Variants in ANK2 observed in about 807,000 individuals in gnomAD.
ANK2 encodes ankyrin 2.
In ANK2, 83 loss-of-function variants were observed where a neutral mutation model predicts 360.5. The observed-to-expected ratio is 0.23, with a 90% CI of 0.19 to 0.28. The LOEUF (loss-of-function observed/expected upper bound fraction) is 0.28. Among genes scored for constraint, ANK2 ranks in the 10% least tolerant of loss-of-function variants. The probability of loss-of-function intolerance (pLI) is 1.00; values close to 1 mark genes in which losing one functional copy is unlikely to be tolerated. For missense variants in ANK2, 4,201 were observed against 4,795.7 expected (o/e 0.88, Z 3.66); for synonymous variants, 1,740 against 1,759.5 (o/e 0.99, Z 0.28).
intron 2 of ANK2, among the ~76,000 whole-genome samples, chr4:112,910,294 C>T (rs1340636559): frequency 1.3e-5 from 2 of 152,142 alleles, no homozygotes; most frequent in East Asian, 1.9e-4. Context: ...AAAATGCTTA[C>T]GGCTTTTAGA....
At chr4:112,981,626 G>T (rs941803536) in intron 2 of ANK2, among the ~76,000 whole-genome samples, 2 of 152,184 alleles carry the variant, frequency 1.3e-5, no homozygotes, top group South Asian at 2.1e-4. Context: ...GGAGAAACTG[G>T]CTTGACAAGA....
intron 2 of ANK2, among the ~76,000 whole-genome samples, chr4:113,021,530 C>CACACACA (rs1554056651): frequency 8.4e-4 from 11 of 13,074 alleles, no homozygotes; most frequent in East Asian, 1.9e-3. Flanking sequence ...ACACACACAC[C>CACACACA]CACACACAAA....
chr4:113,356,432 C>T lies in ANK2; in HGVS notation c.7814C>T (p.Ala2605Val). The T allele has an allele frequency of 6.2e-7, 1 of 1,614,084 alleles. No homozygotes were observed. The change falls in exon 38 of 46, where the codon GCA (alanine) becomes GTA (valine). Residue 2605 changes from alanine (A) to valine (V), a missense_variant. This residue lies in a region of ANK2 where 2,642 missense variants were observed against 2,714.5 expected (regional missense o/e 0.97). Transcript: ENST00000357077. ...IKMFDELEQE[A>V]KQKRDYKKEP... ...ATGTTTGATGAACTTGAACAAGAAG[C>T]AAAGCAGAAAAGGGACTACAAAAAA...
chr4:112,921,104 T>C (rs1226860530), intron 2 of ANK2, among the ~76,000 whole-genome samples: 3 of 149,870 alleles, frequency 2.0e-5, no homozygotes, highest in Non-Finnish European at 4.4e-5. Context: ...CAGGCTGGAG[T>C]GCAGTGGTGC....
chr4:113,028,830 C>A (rs1380757048), intron 2 of ANK2, among the ~76,000 whole-genome samples: 1 of 152,058 alleles, frequency 6.6e-6, no homozygotes, highest in Non-Finnish European at 1.5e-5. Context: ...TCACTAACTC[C>A]CGGGTTGCAG....
At chr4:112,982,009 A>T (rs1339408049) in intron 2 of ANK2, among the ~76,000 whole-genome samples, 1 of 152,190 alleles carries the variant, frequency 6.6e-6, no homozygotes, top group Non-Finnish European at 1.5e-5. Flanking sequence ...TGATTTTGAC[A>T]CAGAGAACAG....
intron 1 of ANK2, among the ~76,000 whole-genome samples, chr4:113,111,916 A>G (rs2154366130): frequency 6.6e-6 from 1 of 152,300 alleles, no homozygotes; most frequent in South Asian, 2.1e-4. Context: ...AAACACTTCT[A>G]TGGCTGGATT....
intron 1 of ANK2, among the ~76,000 whole-genome samples, chr4:112,834,548 A>G (rs1291088978): frequency 6.6e-6 from 1 of 152,186 alleles, no homozygotes; most frequent in Non-Finnish European, 1.5e-5. Flanking sequence ...AAGTATTTAA[A>G]AATGAATCCT....
At chr4:112,763,749 T>C in the ANK2 span, among the ~76,000 whole-genome samples, 14 of 151,758 alleles carry the variant, frequency 9.2e-5, no homozygotes, top group South Asian at 2.7e-3. Context: ...CTTGATCTCC[T>C]GACCTCGTGA....
At chr4:113,042,488 TC>T in intron 2 of ANK2, among the ~76,000 whole-genome samples, 1 of 152,272 alleles carries the variant, frequency 6.6e-6, no homozygotes, top group Middle Eastern at 3.4e-3. Flanking sequence ...CTAATACACC[TC>T]CCAAAGGCCT....
intron 1 of ANK2, among the ~76,000 whole-genome samples, chr4:112,874,412 G>A (rs1303481491): frequency 1.3e-5 from 2 of 151,272 alleles, no homozygotes; most frequent in South Asian, 2.1e-4. Flanking sequence ...AAGCCAAGGC[G>A]GGCAGATTAC....
intron 10 of ANK2, among the ~76,000 whole-genome samples, chr4:113,255,115 C>T (rs1191514802): frequency 2.0e-5 from 3 of 152,168 alleles, no homozygotes; most frequent in South Asian, 2.1e-4. Context: ...TTTAGATTAT[C>T]CTCAACTGTA....
intron 22 of ANK2, among the ~76,000 whole-genome samples, chr4:113,298,108 G>A (rs4833423): frequency 0.48 from 73,344 of 151,758 alleles, 18,049 homozygotes; most frequent in Non-Finnish European, 0.52. Flanking sequence ...AATCTTTTTA[G>A]ACTTTTGACA....
At chr4:113,247,163 A>G (rs1470972885) in intron 9 of ANK2, among the ~76,000 whole-genome samples, 5 of 140,184 alleles carry the variant, frequency 3.6e-5, no homozygotes, top group Non-Finnish European at 6.3e-5. Context: ...ATTCTAGAGA[A>G]AAAAAAAAAA....
intron 36 of ANK2, among the ~76,000 whole-genome samples, chr4:113,349,841 C>T (rs569126678): frequency 1.6e-4 from 25 of 152,242 alleles, no homozygotes; most frequent in African/African-American, 6.0e-4. Context: ...CTGTAGAACA[C>T]ATCACCCTAG....
chr4:113,369,754 T>A lies in ANK2; in HGVS notation c.11559T>A (p.Asp3853Glu). Residue 3853 changes from aspartate (D) to glutamate (E), a missense_variant, in exon 43 of 46, where the codon GAT becomes GAA. By Grantham distance (45) the Asp-to-Glu change is conservative. Around this residue, in one of 4 missense-constraint regions of ANK2, gnomAD observed 2,642 missense variants for 2,714.5 expected, o/e 0.97. Transcript: ENST00000357077. ...KTSLVIVESA[D>E]NQPETCERLD... ...GCCTCGTAATAGTGGAGTCTGCCGA[T>A]AACCAGCCTGAGACCTGTGAAAGAC... is the stretch of plus-strand genomic sequence containing the variant. The A allele has an allele frequency of 6.2e-7, 1 of 1,614,150 alleles. No homozygotes were observed.
intron 1 of ANK2, among the ~76,000 whole-genome samples, chr4:112,867,693 A>C (rs542205414): frequency 6.7e-6 from 1 of 149,910 alleles, no homozygotes; most frequent in Admixed American, 6.6e-5. Flanking sequence ...TTCATTTGGC[A>C]TAATGTTTTC....
At chr4:113,299,431 G>A (rs566793714) in intron 22 of ANK2, among the ~76,000 whole-genome samples, 12 of 152,184 alleles carry the variant, frequency 7.9e-5, no homozygotes, top group South Asian at 2.1e-4. Flanking sequence ...AAGGTCAGCC[G>A]CGGTAGCTCA....
At chr4:112,732,325 C>T in the ANK2 span, among the ~76,000 whole-genome samples, 6 of 144,580 alleles carry the variant, frequency 4.1e-5, no homozygotes, top group South Asian at 1.4e-3. Flanking sequence ...TCGTAGCTCA[C>T]TGCAACCTGA....
Sources: allele counts gnomAD v4.1 joint callset (sites outside exome capture counted in the v4.1 genomes callset), GRCh38; gene constraint gnomAD v4.1.1; regional missense constraint gnomAD v4.1.1; transcripts MANE v1.5; gene names NCBI Gene and HGNC (gene_info 2026-07-23, HGNC 2026-07-21).